The following TTC3 variants were observed in gnomAD, a reference collection of about 807,000 sequenced individuals.
TTC3 encodes tetratricopeptide repeat domain 3.
Under a neutral mutation model 249.6 loss-of-function variants are expected in TTC3, and 180 were observed. That is an observed-to-expected ratio of 0.72 (90% confidence interval 0.64 to 0.82). The LOEUF (loss-of-function observed/expected upper bound fraction) is 0.82, where lower values mean the gene tolerates loss of function less well. TTC3 is among the 40% of genes least tolerant of loss of function. TTC3 has a pLI of 0.00. For synonymous variants in TTC3, 717 were observed against 805.0 expected, an observed-to-expected ratio of 0.89 and a Z score of 1.85; for missense variants, 2,061 against 2,398.4, an observed-to-expected ratio of 0.86 and a Z score of 2.94.
intron 12 of TTC3, 136 bp downstream of exon 12, chr21:37,122,115 A>G: frequency 3.9e-6 from 3 of 762,052 alleles, no homozygotes; most frequent in Non-Finnish European, 3.9e-6. Context: ...TATCTTGGTC[A>G]TGGCACTTGA....
rs184726801 is a variant in TTC3 at position 37,099,328 on chromosome 21, G to C, written c.845+2685G>C. Among the ~76,000 whole-genome samples the C allele has an allele frequency of 1.7e-4, 26 of 152,308 alleles. No individual in the cohort carries two copies. The East Asian group carries it at 3.7e-3, about 22-fold the overall frequency. On this transcript the variant is annotated intron_variant, in intron 10 of 45. Coordinates refer to ENST00000355666, the Ensembl canonical transcript of TTC3. ...ACTCGTAAAACCATCACAACTACGT[G>C]AGGTAGGTGCTACTGCCTTTTTACA...
chr21:37,135,756 T>C (rs2077876452), intron 18 of TTC3, among the ~76,000 whole-genome samples: 1 of 152,210 alleles, frequency 6.6e-6, no homozygotes, highest in Non-Finnish European at 1.5e-5. Flanking sequence ...GAACTGGCTT[T>C]TTCTCTGAAT....
rs193100120 is a variant in TTC3, at chr21:37,191,480, C to G, written c.5115+56C>G. On this transcript the variant is annotated intron_variant, in intron 40 of 45. Transcript: ENST00000355666. ...AAATCTTTATGATAGTTATAATTCTCGGGAGGCTGGTGTCATATTGAATCT... is the reference window on the plus strand; with the variant it reads ...AAATCTTTATGATAGTTATAATTCTGGGGAGGCTGGTGTCATATTGAATCT... 7,408 of 1,141,926 alleles carry G rather than the reference C, an allele frequency of 6.5e-3. 33 individuals are homozygous for G. Among genetic ancestry groups the G allele is most frequent in the Non-Finnish European group, 7.5e-3 (6,131 of 822,232 alleles). 70.7% of individuals were successfully genotyped at this position (1,141,926 alleles called of 1,614,324 possible).
At chr21:37,127,097 C>G (rs2077095739) in intron 15 of TTC3, among the ~76,000 whole-genome samples, 2 of 152,208 alleles carry the variant, frequency 1.3e-5, no homozygotes, top group African/African-American at 4.8e-5. Flanking sequence ...TCAAGCAATC[C>G]TCTCGCCTTG....
At chr21:37,110,851 G>C (rs2147810869) in intron 11 of TTC3, among the ~76,000 whole-genome samples, 1 of 152,092 alleles carries the variant, frequency 6.6e-6, no homozygotes, top group South Asian at 2.1e-4. Context: ...ACTAACTGCT[G>C]ATCTCTCGGC....
chr21:37,147,140 T>C (rs1479827237), intron 21 of TTC3, among the ~76,000 whole-genome samples: 1 of 152,198 alleles, frequency 6.6e-6, no homozygotes, highest in Non-Finnish European at 1.5e-5. Flanking sequence ...CTAAGGGTTA[T>C]TCTGCCTTAC....
rs117776733 is a variant in TTC3, at chr21:37,093,902, C to T, written c.602-103C>T. The T allele has an allele frequency of 6.2e-5, 41 of 659,992 alleles. No homozygotes were observed. In the East Asian group the frequency reaches 1.1e-3, roughly 18 times the overall value. The allele number at this position is 659,992 out of a possible 1,614,324, so 40.9% of individuals were successfully genotyped here. ...TTTAGAAAGAATAATAATATAGGACCGTTGTGGACTCACCTAACTCAAGAA... is the reference window on the plus strand; with the variant it reads ...TTTAGAAAGAATAATAATATAGGACTGTTGTGGACTCACCTAACTCAAGAA... On this transcript the variant is annotated intron_variant, in intron 7 of 45. Coordinates refer to ENST00000355666, the Ensembl canonical transcript of TTC3.
chr21:37,099,018 C>G (rs2074219987), intron 10 of TTC3: 1 of 152,146 alleles, frequency 6.6e-6, no homozygotes, highest in African/African-American at 2.4e-5. Flanking sequence ...GAAGGCCAGA[C>G]TTCTTATCTG....
intron 10 of TTC3, among the ~76,000 whole-genome samples, chr21:37,097,586 C>G (rs1790772517): frequency 2.0e-5 from 3 of 152,108 alleles, no homozygotes. Flanking sequence ...TCTCATTGTC[C>G]ATAAAGAAAC....
In TTC3 at chr21:37,139,222, C is replaced by A. The variant is rs369012281; in HGVS notation, c.1659+508C>A. Among the ~76,000 whole-genome samples the A allele has an allele frequency of 9.9e-5, 15 of 152,156 alleles. No homozygotes were observed. The East Asian group carries it at 2.7e-3, about 27-fold the overall frequency. ...TGTTTTCCTAGAAAAACAAAGGTAA[C>A]AATGATAACGTTAGTATCTCTTATT... On this transcript the variant is annotated intron_variant, in intron 19 of 45. Coordinates refer to ENST00000355666, the Ensembl canonical transcript of TTC3.
chr21:37,199,019 G>A (rs374870435), intron 44 of TTC3, among the ~76,000 whole-genome samples: 24 of 152,176 alleles, frequency 1.6e-4, no homozygotes, highest in African/African-American at 4.8e-4. Flanking sequence ...GCTCTTCCCC[G>A]GTCTGGCACT....
chr21:37,128,120 A>T (rs1203960568), intron 15 of TTC3, among the ~76,000 whole-genome samples: 5 of 152,222 alleles, frequency 3.3e-5, no homozygotes, highest in Admixed American at 1.3e-4. Context: ...CTACCTTTCC[A>T]AAAGCTGCTT....
At chr21:37,171,909 A>G (rs1306885462) in intron 34 of TTC3, among the ~76,000 whole-genome samples, 1 of 152,224 alleles carries the variant, frequency 6.6e-6, no homozygotes, top group Non-Finnish European at 1.5e-5. Context: ...CCTGGGATAG[A>G]TTTCTAAAGC....
intron 36 of TTC3, 115 bp downstream of exon 36, chr21:37,183,028 A>G: frequency 1.1e-6 from 1 of 937,944 alleles, no homozygotes; most frequent in Non-Finnish European, 1.5e-6. Context: ...GTAAAAATGA[A>G]TACTGTTTTC....
At chr21:37,118,941 T>G (rs555631184) in intron 11 of TTC3, among the ~76,000 whole-genome samples, 1 of 152,326 alleles carries the variant, frequency 6.6e-6, no homozygotes, top group South Asian at 2.1e-4. Flanking sequence ...ATTCCATCTT[T>G]CCTTTCACCT....
intron 26 of TTC3, among the ~76,000 whole-genome samples, chr21:37,152,379 G>GTTTTTTTTTTTGTTTTTT (rs2079550306): frequency 7.2e-6 from 1 of 139,298 alleles, no homozygotes. Flanking sequence ...GAACTAAGTT[G>GTTTTTTTTTTTGTTTTTT]TTTTTTTTTT....
Position 37,197,813 on chromosome 21 carries a change from T to C in TTC3, c.5707-69T>C. 1.9e-6 allele frequency: 3 copies of C among 1,566,426 alleles called. No individual in the cohort carries two copies. In the Admixed American group the frequency reaches 6.2e-5, roughly 32 times the overall value. ...AGAGCAATGTACTAAAGACAGAAGA[T>C]GGTCAAGTTGTTGGATAACTGGTTG... On this transcript the variant is annotated intron_variant, in intron 43 of 45. Coordinates refer to ENST00000355666, the Ensembl canonical transcript of TTC3.
At chr21:37,157,065 T>G (rs1442984628) in intron 28 of TTC3, 159 bp downstream of exon 28, 13 of 1,347,138 alleles carry the variant, frequency 9.7e-6, no homozygotes, top group Non-Finnish European at 1.3e-5. Context: ...AGTAGCAATT[T>G]TTTTATATCA....
At chr21:37,189,575 T>G (rs1178622065) in intron 39 of TTC3, among the ~76,000 whole-genome samples, 1 of 150,134 alleles carries the variant, frequency 6.7e-6, no homozygotes, top group East Asian at 2.0e-4. Flanking sequence ...TGAGATGGAG[T>G]CTCGCTCTGT....
Sources: allele counts gnomAD v4.1 joint callset (sites outside exome capture counted in the v4.1 genomes callset), GRCh38; gene constraint gnomAD v4.1.1; transcripts MANE v1.5; gene names NCBI Gene and HGNC (gene_info 2026-07-23, HGNC 2026-07-21).